Variants in DTNA observed in about 807,000 individuals in gnomAD.
DTNA encodes dystrobrevin alpha, also known as dystrophin-related protein 3.
DTNA carries 43 observed loss-of-function variants against 100.7 expected under a neutral mutation model. The observed-to-expected ratio is 0.43, with a 90% CI of 0.33 to 0.55. DTNA has a LOEUF of 0.55. Ranked by LOEUF, DTNA falls within the 20% of genes least tolerant of loss-of-function variation. The pLI is 0.04. For synonymous variants in DTNA, 349 were observed against 347.9 expected (o/e 1.00, Z -0.04); for missense variants, 798 against 953.9 (o/e 0.84, Z 2.15).
At chr18:34,537,737 G>A (rs1210863928) in intron 1 of DTNA, among the ~76,000 whole-genome samples, 3 of 151,978 alleles carry the variant, frequency 2.0e-5, no homozygotes, top group Non-Finnish European at 1.5e-5. Flanking sequence ...ACTTTAGCAC[G>A]TAGTTGGGAT....
intron 1 of DTNA, among the ~76,000 whole-genome samples, chr18:34,596,055 A>C (rs1004090853): frequency 2.0e-5 from 3 of 152,208 alleles, no homozygotes; most frequent in African/African-American, 4.8e-5. Flanking sequence ...CTTGAAGTGT[A>C]AAGCTAGATT....
chr18:34,756,221 GT>G, intron 2 of DTNA, among the ~76,000 whole-genome samples, 178 bp downstream of exon 2: 1 of 152,242 alleles, frequency 6.6e-6, no homozygotes, highest in South Asian at 2.1e-4. Flanking sequence ...CAGTTAGTCA[GT>G]AATTCATCCT....
At position 34,670,242 on chromosome 18, in the gene DTNA, G is replaced by A. The variant is rs1313239043; in HGVS notation, c.-1-85734G>A. On this transcript the variant is annotated intron_variant, in intron 1 of 19. Coordinates refer to the DTNA transcript ENST00000283365. ...CTACTGAAGCTTGTGCATTCGTCACGTAGTTCTCGTGCCATGGTTTTCAGC... is the reference window on the plus strand; with the variant it reads ...CTACTGAAGCTTGTGCATTCGTCACATAGTTCTCGTGCCATGGTTTTCAGC... Among the ~76,000 whole-genome samples the A allele has an allele frequency of 4.6e-5, 7 of 152,144 alleles. No individual in the cohort carries two copies. In the South Asian group the frequency reaches 6.2e-4, roughly 13 times the overall value.
rs2088163126 is a variant in DTNA at position 34,731,434 on chromosome 18, G to C, written c.-2+20989G>C. 5.3e-5 allele frequency among the ~76,000 whole-genome samples: 8 copies of C among 152,058 alleles called. No homozygotes were observed. In the South Asian group the frequency reaches 1.7e-3, roughly 32 times the overall value. ...GCGGAGCTTGCAGTGAGCCGAGATT[G>C]CGCCACTGCAGTCCGCAGTCCAGCC... On this transcript the variant is annotated intron_variant, in intron 1 of 22. Transcript: ENST00000444659.
In DTNA at chr18:34,625,735, C is replaced by T. The variant is rs189743712; in HGVS notation, c.-1-130241C>T. ...CAGTAGAAGGAGAAGTTGGTATCAA[C>T]GTGAGAAATGAAATAACATCTTGGA... On this transcript the variant is annotated intron_variant, in intron 1 of 19. Coordinates refer to the DTNA transcript ENST00000283365. 3.3e-5 allele frequency among the ~76,000 whole-genome samples: 5 copies of T among 152,196 alleles called. No individual in the cohort carries two copies. In the South Asian group the frequency reaches 6.2e-4, roughly 19 times the overall value.
chr18:34,613,167 A>G (rs1262257703), intron 1 of DTNA, among the ~76,000 whole-genome samples: 1 of 152,142 alleles, frequency 6.6e-6, no homozygotes, highest in Non-Finnish European at 1.5e-5. Context: ...TGTGGCTATT[A>G]TAATTGTTTT....
chr18:34,570,930 A>G (rs1185652994), intron 1 of DTNA, among the ~76,000 whole-genome samples: 2 of 152,222 alleles, frequency 1.3e-5, no homozygotes, highest in African/African-American at 2.4e-5. Context: ...AAAGAAAGCT[A>G]TGAGGTACTT....
At chr18:34,582,799 C>G (rs1318144710) in intron 1 of DTNA, among the ~76,000 whole-genome samples, 2 of 152,128 alleles carry the variant, frequency 1.3e-5, no homozygotes, top group African/African-American at 4.8e-5. Flanking sequence ...TTTCTCCAGA[C>G]TCACATATTA....
chr18:34,793,960 G>T (rs1275197580), intron 3 of DTNA, 77 bp from the exon 4 acceptor site: 17 of 1,478,534 alleles, frequency 1.1e-5, no homozygotes, highest in Non-Finnish European at 1.3e-5. Context: ...GAAAAAAACA[G>T]GACAGAGGGT....
At chr18:34,841,475 C>G (rs1229360513) in intron 13 of DTNA, among the ~76,000 whole-genome samples, 1 of 152,098 alleles carries the variant, frequency 6.6e-6, no homozygotes, top group Non-Finnish European at 1.5e-5. Context: ...TAATTGTAAG[C>G]TTCAAAAAGG....
At chr18:34,534,962 T>G (rs955537035) in intron 1 of DTNA, among the ~76,000 whole-genome samples, 1 of 152,198 alleles carries the variant, frequency 6.6e-6, no homozygotes, top group African/African-American at 2.4e-5. Context: ...TATGTGTGCA[T>G]GTGTCTTTAT....
chr18:34,845,660 T>C (rs2096364004), intron 13 of DTNA, among the ~76,000 whole-genome samples: 1 of 152,132 alleles, frequency 6.6e-6, no homozygotes, highest in Non-Finnish European at 1.5e-5. Flanking sequence ...CTTTGTGGGG[T>C]AGTTTGACGT....
intron 1 of DTNA, among the ~76,000 whole-genome samples, chr18:34,529,051 G>T (rs2042907305): frequency 6.6e-6 from 1 of 152,024 alleles, no homozygotes; most frequent in African/African-American, 2.4e-5. Flanking sequence ...CTTTCATTTT[G>T]CTCTAATAAA....
rs548547375 is a variant in DTNA at position 34,774,104 on chromosome 18, G to A, written c.148+8063G>A. On this transcript the variant is annotated intron_variant, in intron 3 of 22. Transcript: ENST00000444659. Reference sequence around the variant, plus strand: ...ACTAAGCACTTTTACTTTCACAGCTGAGGAAAAACCATCATCTTAAAATGC... The same window carrying A: ...ACTAAGCACTTTTACTTTCACAGCTAAGGAAAAACCATCATCTTAAAATGC... 8.5e-5 allele frequency among the ~76,000 whole-genome samples: 13 copies of A among 152,356 alleles called. No individual in the cohort carries two copies. The East Asian group carries it at 2.5e-3, about 29-fold the overall frequency.
intron 3 of DTNA, among the ~76,000 whole-genome samples, chr18:34,786,956 C>A (rs187801313): frequency 6.6e-6 from 1 of 152,060 alleles, no homozygotes; most frequent in African/African-American, 2.4e-5. Context: ...CTTCAAGAAG[C>A]GCTTCTTATA....
intron 22 of DTNA, among the ~76,000 whole-genome samples, chr18:34,884,992 C>T (rs1371656508): frequency 6.6e-6 from 1 of 152,192 alleles, no homozygotes; most frequent in African/African-American, 2.4e-5. Flanking sequence ...TGACTTCTTA[C>T]TCTATTAGCT....
At chr18:34,665,885 G>A (rs1427575742) in intron 1 of DTNA, among the ~76,000 whole-genome samples, 6 of 152,092 alleles carry the variant, frequency 3.9e-5, no homozygotes, top group East Asian at 1.9e-4. Flanking sequence ...ATAAACATAC[G>A]TGTGCATGTG....
intron 3 of DTNA, among the ~76,000 whole-genome samples, chr18:34,771,127 G>A (rs1198720468): frequency 6.6e-6 from 1 of 152,072 alleles, no homozygotes. Flanking sequence ...TTTCTCTCTT[G>A]TTATGTATGT....
intron 1 of DTNA, among the ~76,000 whole-genome samples, chr18:34,675,953 G>A (rs1047289423): frequency 6.6e-6 from 1 of 152,112 alleles, no homozygotes; most frequent in Non-Finnish European, 1.5e-5. Context: ...CAGTACAGGG[G>A]AATATATCAA....
Sources: gnomAD v4.1 joint callset for allele counts (sites outside exome capture counted in the v4.1 genomes callset) on GRCh38, gnomAD v4.1.1 for gene constraint, MANE v1.5 for transcripts, NCBI Gene and HGNC (gene_info 2026-07-23, HGNC 2026-07-21) for gene names.